The following LAMA1 variants were observed in gnomAD, a reference collection of about 807,000 sequenced individuals.
LAMA1 encodes the protein laminin subunit alpha-1.
LAMA1 carries 219 observed loss-of-function variants against 348.7 expected under a neutral mutation model. The observed-to-expected ratio is 0.63, with a 90% CI of 0.56 to 0.70. The LOEUF (loss-of-function observed/expected upper bound fraction) is 0.70, where lower values mean the gene tolerates loss of function less well. LAMA1 is among the 30% of genes least tolerant of loss of function. LAMA1 has a pLI of 0.00. For synonymous variants in LAMA1, 1,487 were observed against 1,491.0 expected (o/e 1.00, Z 0.06); for missense variants, 3,744 against 3,888.0 (o/e 0.96, Z 0.99).
At chr18:6,947,074 G>A in intron 61 of LAMA1, 89 bp downstream of exon 61, 1 of 1,524,052 alleles carries the variant, frequency 6.6e-7, no homozygotes, top group Non-Finnish European at 9.1e-7. Context: ...CATGAAAATA[G>A]ATAGTTGTGA....
chr18:7,082,983 G>A lies in LAMA1; in HGVS notation c.62-2526C>T, dbSNP rs1417408281. Among the ~76,000 whole-genome samples, 4 of 150,188 alleles carry A rather than the reference G, an allele frequency of 2.7e-5. No homozygotes were observed. The South Asian group carries it at 6.2e-4, about 23-fold the overall frequency. The stretch of plus-strand genomic sequence containing the variant: ...CTGCAGGGTCTTGTGTTATTGAGGA[G>A]GGGAGGGGGCCAGGGAGTCATGGAG... On this transcript the variant is annotated intron_variant, in intron 1 of 62. Transcript: ENST00000389658.
intron 42 of LAMA1, among the ~76,000 whole-genome samples, chr18:6,979,670 C>T (rs575565884): frequency 4.2e-4 from 64 of 152,274 alleles, no homozygotes; most frequent in African/African-American, 1.3e-3. Context: ...GAGGCCAAGG[C>T]GGGCGGATCA....
At chr18:7,020,084 T>C (rs974232854) in intron 19 of LAMA1, among the ~76,000 whole-genome samples, 4 of 152,238 alleles carry the variant, frequency 2.6e-5, no homozygotes, top group South Asian at 2.1e-4. Context: ...GTACTTTATA[T>C]ATATTTTAAT....
intron 3 of LAMA1, among the ~76,000 whole-genome samples, chr18:7,063,250 T>C (rs1448612638): frequency 6.6e-6 from 1 of 152,192 alleles, no homozygotes; most frequent in African/African-American, 2.4e-5. Context: ...TACTTGAAGA[T>C]TCTCCTTTTT....
chr18:7,086,991 G>T (rs756094207), intron 1 of LAMA1, among the ~76,000 whole-genome samples: 2 of 152,172 alleles, frequency 1.3e-5, no homozygotes, highest in African/African-American at 4.8e-5. Flanking sequence ...AGGGTGGACA[G>T]AAATAATTTG....
intron 16 of LAMA1, among the ~76,000 whole-genome samples, chr18:7,030,828 A>C (rs2057965552): frequency 7.1e-6 from 1 of 140,550 alleles, no homozygotes; most frequent in Admixed American, 7.5e-5. Context: ...AGCCTGCTGT[A>C]CCCCCCACCC....
chr18:7,053,506 C>A (rs2058069951), intron 3 of LAMA1, among the ~76,000 whole-genome samples: 1 of 151,794 alleles, frequency 6.6e-6, no homozygotes, highest in South Asian at 2.1e-4. Flanking sequence ...CCAAAAATGT[C>A]TATTAATTGA....
intron 1 of LAMA1, among the ~76,000 whole-genome samples, chr18:7,090,369 T>C (rs1006729238): frequency 7.9e-5 from 12 of 152,198 alleles, no homozygotes; most frequent in African/African-American, 2.9e-4. Context: ...AGTTATTTTA[T>C]GACTCTAATA....
Position 6,997,775 on chromosome 18 carries a change from C to T in LAMA1, c.4773G>A (p.Leu1591=), listed in dbSNP as rs1207663881. 1 of 1,614,084 alleles carries T rather than the reference C, an allele frequency of 6.2e-7. No homozygotes were observed. The highest frequency in any genetic ancestry group is 1.7e-5 in the Admixed American group (1 of 60,020). ...ATTTAGTTGTATTTTCCAGGTTTGA[C>T]AAAATTCCATATGGGACAGGGATAA... ...TGIIPVPYGI[L]SNLENTTKYL... Residue 1591 remains leucine, a synonymous_variant, in exon 33 of 63, where the codon TTG becomes TTA. Transcript: ENST00000389658.
chr18:7,110,877 T>G (rs1436041274), intron 1 of LAMA1, among the ~76,000 whole-genome samples: 19 of 65,200 alleles, frequency 2.9e-4, no homozygotes, highest in Admixed American at 1.7e-3. Context: ...GGTGTGAGGG[T>G]TTTTTTTCCC....
chr18:6,977,971 A>G (rs1232715918), intron 43 of LAMA1, 90 bp from the exon 44 acceptor site: 3 of 1,408,152 alleles, frequency 2.1e-6, no homozygotes, highest in East Asian at 4.6e-5. Flanking sequence ...TGCACTTGGT[A>G]AAACAACACC....
chr18:7,006,328 T>G (rs2057831586), intron 29 of LAMA1, among the ~76,000 whole-genome samples: 2 of 152,100 alleles, frequency 1.3e-5, no homozygotes. Context: ...AAACACACAC[T>G]AACATGTGAA....
chr18:7,109,434 C>T (rs890093065), intron 1 of LAMA1, among the ~76,000 whole-genome samples: 1 of 152,168 alleles, frequency 6.6e-6, no homozygotes, highest in Non-Finnish European at 1.5e-5. Context: ...AAAAGAGGAC[C>T]GGATGGCAAC....
chr18:6,971,227 G>C (rs185208797), intron 48 of LAMA1, among the ~76,000 whole-genome samples: 1 of 152,162 alleles, frequency 6.6e-6, no homozygotes, highest in East Asian at 1.9e-4. Flanking sequence ...GGTTGGGGGG[G>C]AAGATGTTGC....
chr18:7,037,180 T>C (rs569029513), intron 12 of LAMA1, among the ~76,000 whole-genome samples: 1 of 152,338 alleles, frequency 6.6e-6, no homozygotes, highest in South Asian at 2.1e-4. Context: ...GAACCTTCCC[T>C]GGGTTGTTTC....
chr18:7,097,938 T>G (rs1882493905), intron 1 of LAMA1, among the ~76,000 whole-genome samples: 1 of 150,496 alleles, frequency 6.6e-6, no homozygotes, highest in Admixed American at 6.6e-5. Flanking sequence ...TGCTGCCATC[T>G]CGGCTCACTG....
chr18:6,948,604 A>G, intron 59 of LAMA1, 48 bp from the exon 60 acceptor site: 2 of 1,610,084 alleles, frequency 1.2e-6, no homozygotes, highest in South Asian at 1.1e-5. Flanking sequence ...TCTAATGGGA[A>G]GGGTTTGGAC....
intron 3 of LAMA1, among the ~76,000 whole-genome samples, chr18:7,061,395 C>T (rs1399002317): frequency 6.6e-6 from 1 of 152,182 alleles, no homozygotes; most frequent in Admixed American, 6.5e-5. Flanking sequence ...TTCTTTTCCC[C>T]ACCTTGTAAG....
intron 1 of LAMA1, among the ~76,000 whole-genome samples, chr18:7,107,070 T>G (rs1329067963): frequency 6.6e-6 from 1 of 151,360 alleles, no homozygotes; most frequent in Non-Finnish European, 1.5e-5. Context: ...CAATGTCCAC[T>G]CCTATGACTT....
Sources: gnomAD v4.1 joint callset for allele counts (sites outside exome capture counted in the v4.1 genomes callset) on GRCh38, gnomAD v4.1.1 for gene constraint, MANE v1.5 for transcripts, NCBI Gene and HGNC (gene_info 2026-07-23, HGNC 2026-07-21) for gene names.